Variants in HEXA observed in about 807,000 individuals in gnomAD.
The protein encoded by HEXA is hexosaminidase subunit alpha.
Under a neutral mutation model 73.3 loss-of-function variants are expected in HEXA, and 54 were observed. The observed-to-expected ratio is 0.74, with a 90% confidence interval of 0.59 to 0.92. The LOEUF is 0.92. HEXA is among the 40% of genes least tolerant of loss of function. HEXA has a pLI of 0.00. For synonymous variants in HEXA, 230 were observed against 246.9 expected, an observed-to-expected ratio of 0.93 and a Z score of 0.64; for missense variants, 649 against 653.0, an observed-to-expected ratio of 0.99 and a Z score of 0.07.
intron 13 of HEXA, 69 bp from the exon 14 acceptor site, chr15:72,344,209 C>G: frequency 1.9e-6 from 2 of 1,028,656 alleles, no homozygotes; most frequent in Middle Eastern, 2.0e-4. Flanking sequence ...CTTTTCACAC[C>G]AGTCAACAGT....
chr15:72,370,508 C>T lies in HEXA; in HGVS notation c.253+5212G>A, dbSNP rs1052579983. On this transcript the variant is annotated intron_variant, in intron 1 of 13. Coordinates refer to ENST00000268097, the MANE Select transcript of HEXA (RefSeq NM_000520.6). ...GGGTTCAAGACCAGCCTGGGCAACA[C>T]AGTAAGACCCCCATCTCTACAAAAT... The T allele has an allele frequency of 1.3e-5, 5 of 395,512 alleles. No individual in the cohort carries two copies. In the Admixed American group the frequency reaches 1.8e-4, roughly 14 times the overall value. The allele number at this position is 395,512 out of a possible 1,614,324, so 24.5% of individuals were successfully genotyped here. A position where few individuals can be genotyped will look rare whatever the true frequency, so the allele number is the denominator to read the frequency against.
At chr15:72,371,608 A>G (rs1003493199) in intron 1 of HEXA, among the ~76,000 whole-genome samples, 60 of 151,976 alleles carry the variant, frequency 3.9e-4, no homozygotes, top group Admixed American at 1.2e-3. Flanking sequence ...AAAAAAAAAA[A>G]AAAAAGAAAA....
intron 1 of HEXA, among the ~76,000 whole-genome samples, chr15:72,374,694 C>G (rs1223427468): frequency 6.6e-6 from 1 of 152,112 alleles, no homozygotes; most frequent in Non-Finnish European, 1.5e-5. Flanking sequence ...ATTGTTGGCT[C>G]GACTTACAAA....
rs113387910 is a variant in HEXA at position 72,364,292 on chromosome 15, C to A, written c.254-7675G>T. ...CTCAAAAAAACCCCAAAACAAAAAA[C>A]AAAAACAGAAAAAAAAAATGGGATC... is the stretch of plus-strand genomic sequence containing the variant. On this transcript the variant is annotated intron_variant, in intron 1 of 13. Transcript: ENST00000268097. Among the ~76,000 whole-genome samples, 238 of 150,964 alleles carry A rather than the reference C, an allele frequency of 1.6e-3. 1 individual carries two copies. The highest frequency in any genetic ancestry group is 5.7e-3 in the African/African-American group (234 of 41,162).
At chr15:72,354,093 C>T (rs1486266025) in intron 3 of HEXA, 1 of 282,634 alleles carries the variant, frequency 3.5e-6, no homozygotes, top group Non-Finnish European at 6.7e-6. Flanking sequence ...AGAGACAACT[C>T]AGCCTGCAAG....
rs939520058 is a variant in HEXA, at chr15:72,341,228, C to T, written c.*2849G>A. On this transcript the variant is annotated 3_prime_UTR_variant, in exon 14 of 14. Transcript: ENST00000268097. ...CATTTCAGCTTTCCTCACAGTCTCACTGTCCCAGAAGTCTAGGGGCAATGA... is the reference window on the plus strand; with the variant it reads ...CATTTCAGCTTTCCTCACAGTCTCATTGTCCCAGAAGTCTAGGGGCAATGA... 10 of 152,228 alleles carry T rather than the reference C, an allele frequency of 6.6e-5. No individual in the cohort carries two copies. Among genetic ancestry groups the T allele is most frequent in the Non-Finnish European group, 1.5e-4 (10 of 68,074 alleles). 9.4% of individuals were successfully genotyped at this position (152,228 alleles called of 1,614,324 possible). A position where few individuals can be genotyped will look rare whatever the true frequency, so the allele number is the denominator to read the frequency against.
intron 1 of HEXA, among the ~76,000 whole-genome samples, chr15:72,372,600 T>G (rs1004297681): frequency 6.6e-6 from 1 of 152,118 alleles, no homozygotes; most frequent in Non-Finnish European, 1.5e-5. Flanking sequence ...TAAGTCTATT[T>G]AACAGGTTCA....
At chr15:72,370,298 A>G in intron 1 of HEXA, 1 of 237,556 alleles carries the variant, frequency 4.2e-6, no homozygotes. Context: ...TCACAGAAAT[A>G]AAACTCAAAT....
chr15:72,363,961 T>C (rs753699192), intron 1 of HEXA, among the ~76,000 whole-genome samples: 4 of 152,056 alleles, frequency 2.6e-5, no homozygotes, highest in Admixed American at 6.6e-5. Flanking sequence ...ATTTTTAAAA[T>C]AAAAATGGGC....
intron 3 of HEXA, 96 bp from the exon 4 acceptor site, chr15:72,353,833 G>C (rs1303577421): frequency 4.4e-6 from 4 of 898,944 alleles, no homozygotes; most frequent in African/African-American, 1.6e-5. Flanking sequence ...CATAACATTT[G>C]GGTACACAGG....
At chr15:72,348,378 G>A (rs1357334972) in intron 8 of HEXA, among the ~76,000 whole-genome samples, 1 of 152,188 alleles carries the variant, frequency 6.6e-6, no homozygotes. Context: ...AACTCCCAAA[G>A]AGAAAACATA....
At chr15:72,369,777 G>T (rs936773043) in intron 1 of HEXA, among the ~76,000 whole-genome samples, 1 of 152,176 alleles carries the variant, frequency 6.6e-6, no homozygotes, top group African/African-American at 2.4e-5. Context: ...AGGGATTGAG[G>T]CTTATGCCTT....
chr15:72,367,213 G>A (rs1189562771), intron 1 of HEXA, among the ~76,000 whole-genome samples: 2 of 152,148 alleles, frequency 1.3e-5, no homozygotes, highest in African/African-American at 2.4e-5. Context: ...AAAGTGCTGG[G>A]ATTACAGGTG....
At chr15:72,370,697 T>TAAAAAAAAAAAC in intron 1 of HEXA, 1 of 338,632 alleles carries the variant, frequency 3.0e-6, no homozygotes. Context: ...ACCTGTTTCT[T>TAAAAAAAAAAAC]AAAAAAAAAA....
At chr15:72,374,437 A>G (rs1461922183) in intron 1 of HEXA, among the ~76,000 whole-genome samples, 1 of 152,192 alleles carries the variant, frequency 6.6e-6, no homozygotes, top group Non-Finnish European at 1.5e-5. Context: ...CTTTCCCCAA[A>G]TCAAATGTCA....
chr15:72,374,435 A>C (rs1166427694), intron 1 of HEXA, among the ~76,000 whole-genome samples: 1 of 152,218 alleles, frequency 6.6e-6, no homozygotes, highest in African/African-American at 2.4e-5. Context: ...TTCTTTCCCC[A>C]AATCAAATGT....
intron 12 of HEXA, 60 bp from the exon 13 acceptor site, chr15:72,345,610 A>G (rs931986455): frequency 1.3e-5 from 21 of 1,602,320 alleles, no homozygotes; most frequent in African/African-American, 6.7e-5. Context: ...GGTGCTGGAC[A>G]TCCACAGGCT....
intron 1 of HEXA, chr15:72,357,888 A>G (rs2088806163): frequency 6.6e-6 from 1 of 152,202 alleles, no homozygotes; most frequent in South Asian, 2.1e-4. Flanking sequence ...TTCCCTTACC[A>G]GTAAATACCC....
chr15:72,371,015 T>C (rs1040330152), intron 1 of HEXA, among the ~76,000 whole-genome samples: 2 of 152,210 alleles, frequency 1.3e-5, no homozygotes, highest in East Asian at 1.9e-4. Context: ...GCAATCATCT[T>C]TGGCAGGAAT....
Sources: allele counts gnomAD v4.1 joint callset (sites outside exome capture counted in the v4.1 genomes callset), GRCh38; gene constraint gnomAD v4.1.1; transcripts MANE v1.5; gene names NCBI Gene and HGNC (gene_info 2026-07-23, HGNC 2026-07-21).